The following NR4A3 variants were observed in gnomAD, a reference collection of about 807,000 sequenced individuals.
NR4A3 encodes the protein nuclear receptor subfamily 4 group A member 3.
Under a neutral mutation model 55.6 loss-of-function variants are expected in NR4A3, and 13 were observed. That is an observed-to-expected ratio of 0.23 (90% CI 0.15 to 0.37). NR4A3 has a LOEUF of 0.37. Ranked by LOEUF, NR4A3 falls within the 10% of genes least tolerant of loss-of-function variation. The pLI, the probability that NR4A3 is intolerant of heterozygous loss-of-function variation, is 1.00. For missense variants in NR4A3, 646 were observed against 822.8 expected (o/e 0.79, Z 2.63); for synonymous variants, 342 against 357.9 (o/e 0.96, Z 0.50).
chr9:99,824,644 C>G (rs1827258947), intron 1 of NR4A3, among the ~76,000 whole-genome samples: 1 of 152,226 alleles, frequency 6.6e-6, no homozygotes, highest in African/African-American at 2.4e-5. Context: ...CCTCGTGGCC[C>G]CGCGCACCTC....
chr9:99,848,768 G>A (rs966617748), intron 7 of NR4A3, among the ~76,000 whole-genome samples: 1 of 152,228 alleles, frequency 6.6e-6, no homozygotes, highest in African/African-American at 2.4e-5. Flanking sequence ...GATGGAGAAA[G>A]GCGCGTGTTG....
chr9:99,844,044 G>A (rs752989810), intron 5 of NR4A3, among the ~76,000 whole-genome samples: 3 of 148,976 alleles, frequency 2.0e-5, no homozygotes, highest in Admixed American at 1.3e-4. Context: ...GGAATTACAG[G>A]CATGAGCCAC....
intron 6 of NR4A3, among the ~76,000 whole-genome samples, chr9:99,846,848 A>G (rs1157974462): frequency 6.6e-6 from 1 of 152,122 alleles, no homozygotes; most frequent in African/African-American, 2.4e-5. Flanking sequence ...GGGTTTCACT[A>G]TGTTGCCCAA....
At chr9:99,856,209 G>A (rs571383207) in intron 7 of NR4A3, among the ~76,000 whole-genome samples, 68 of 151,500 alleles carry the variant, frequency 4.5e-4, no homozygotes, top group Non-Finnish European at 8.4e-4. Context: ...ATGTAAAATC[G>A]GTGGGAACCC....
At chr9:99,842,945 G>A (rs899328553) in intron 5 of NR4A3, among the ~76,000 whole-genome samples, 1 of 152,342 alleles carries the variant, frequency 6.6e-6, no homozygotes, top group South Asian at 2.1e-4. Context: ...GAAAAGGAAT[G>A]CAAAATGATG....
chr9:99,833,955 C>G, intron 5 of NR4A3: 5 of 1,163,246 alleles, frequency 4.3e-6, no homozygotes, highest in Non-Finnish European at 5.3e-6. Flanking sequence ...GTCAGGAGAA[C>G]TGGGATGGAA....
At chr9:99,844,176 A>G (rs1827712727) in intron 5 of NR4A3, among the ~76,000 whole-genome samples, 1 of 152,342 alleles carries the variant, frequency 6.6e-6, no homozygotes, top group East Asian at 1.9e-4. Context: ...CAGCTGTGCT[A>G]TAGTGAAATG....
chr9:99,834,053 C>A, intron 5 of NR4A3: 1 of 1,056,874 alleles, frequency 9.5e-7, no homozygotes, highest in Non-Finnish European at 1.1e-6. Flanking sequence ...CAATATTTAA[C>A]CTCAGAGGGG....
intron 2 of NR4A3, chr9:99,826,928 A>G (rs2118505131): frequency 1.2e-6 from 1 of 814,578 alleles, no homozygotes. Context: ...CCAACCACCA[A>G]AAACCGCCGT....
rs1012130193 is a variant in NR4A3, at chr9:99,864,397, A to C, written c.*530A>C. 4.4e-6 allele frequency: 1 copy of C among 228,198 alleles called. No homozygotes were observed. Among genetic ancestry groups the C allele is most frequent in the African/African-American group, 2.2e-5 (1 of 45,194 alleles). 14.1% of individuals were successfully genotyped at this position (228,198 alleles called of 1,614,324 possible). ...AATTTCCTTCTTCCTTTATTTTAAC[A>C]AATGGTGAAAGATGGAGGATTACCT... On this transcript the variant is annotated 3_prime_UTR_variant, in exon 8 of 8. Coordinates refer to ENST00000395097, the MANE Select transcript of NR4A3 (RefSeq NM_006981.4).
At position 99,863,738 on chromosome 9, in the gene NR4A3, G is replaced by C; in HGVS notation, c.1752G>C (p.Leu584=). ...QALEPTESKV[L]GALVELRKIC... is the part of the protein sequence containing the mutation. ...TGGAGCCCACCGAGTCCAAGGTCCT[G>C]GGTGCCCTGGTAGAACTGAGGAAGA... Residue 584 remains leucine (L), a synonymous_variant, in exon 8 of 8, where the codon CTG becomes CTC. Transcript: ENST00000395097. The C allele has an allele frequency of 6.2e-7, 1 of 1,613,932 alleles. No homozygotes were observed.
At position 99,865,319 on chromosome 9, in the gene NR4A3, A is replaced by ATAT. The variant is rs1564042467; in HGVS notation, c.*1452_*1453insTAT. 2 of 160,368 alleles carry ATAT rather than the reference A, an allele frequency of 1.2e-5. No individual in the cohort carries two copies. Among genetic ancestry groups the ATAT allele is most frequent in the African/African-American group, 5.0e-5 (2 of 40,070 alleles). The allele number at this position is 160,368 out of a possible 1,614,324, so 9.9% of individuals were successfully genotyped here. A position where few individuals can be genotyped will look rare whatever the true frequency, so the allele number is the denominator to read the frequency against. On this transcript the variant is annotated 3_prime_UTR_variant, in exon 8 of 8. Transcript: ENST00000395097. The surrounding 1 kb of genome is among the most constrained non-coding windows in gnomAD (Gnocchi z 4.3). ...ATAAGCAAATATATATATATATATA[A>ATAT]ATATAGCAGGTTACATATATATATT... is the stretch of plus-strand genomic sequence containing the variant.
At position 99,865,077 on chromosome 9, in the gene NR4A3, T is replaced by A; in HGVS notation, c.*1210T>A. The A allele has an allele frequency of 5.0e-6, 1 of 201,616 alleles. No individual in the cohort carries two copies. Among genetic ancestry groups the A allele is most frequent in the East Asian group, 7.6e-5 (1 of 13,190 alleles). 12.5% of individuals were successfully genotyped at this position (201,616 alleles called of 1,614,324 possible). On this transcript the variant is annotated 3_prime_UTR_variant, in exon 8 of 8. Transcript: ENST00000395097. The surrounding 1 kb of genome is among the most constrained non-coding windows in gnomAD (Gnocchi z 4.3). ...TAGTGGGCTGCGTTTCAACATTCCG[T>A]GTTCGTACTCCCTTTTGTATGTTTC...
rs1302269805 is a variant in NR4A3 at position 99,865,259 on chromosome 9, T to A, written c.*1392T>A. On this transcript the variant is annotated 3_prime_UTR_variant, in exon 8 of 8. Transcript: ENST00000395097. The surrounding 1 kb of genome is among the most constrained non-coding windows in gnomAD (Gnocchi z 4.3). The stretch of plus-strand genomic sequence containing the variant: ...AGTTACAGAGTAATTAAATGGGGTG[T>A]TCACAGTGACTTGGATACACCAATT... 2.2e-5 allele frequency: 4 copies of A among 178,638 alleles called. No homozygotes were observed. Among genetic ancestry groups the A allele is most frequent in the Non-Finnish European group, 3.6e-5 (3 of 83,244 alleles). 11.1% of individuals were successfully genotyped at this position (178,638 alleles called of 1,614,324 possible).
intron 7 of NR4A3, among the ~76,000 whole-genome samples, chr9:99,851,423 C>T (rs1182385449): frequency 6.6e-6 from 1 of 152,122 alleles, no homozygotes; most frequent in African/African-American, 2.4e-5. Context: ...ACTGTCTTTT[C>T]TTAAACCACA....
Position 99,832,767 on chromosome 9 carries a change from T to C in NR4A3, c.1030T>C (p.Cys344Arg). The C allele has an allele frequency of 6.2e-7, 1 of 1,608,004 alleles. No homozygotes were observed. The change falls in exon 4 of 8, where the codon TGT becomes CGT. Residue 344 changes from cysteine (C) to arginine (R), a missense_variant. Cys to Arg is a radical substitution (Grantham distance 180). Transcript: ENST00000395097. ...CPVDKRRRNRCQYCRFQKCLS... is the reference protein window; with the variant it reads ...CPVDKRRRNRRQYCRFQKCLS... ...AGTAGACAAGAGACGTCGAAACCGATGTCAGTACTGTCGATTTCAGAAGTG... is the reference window on the plus strand; with the variant it reads ...AGTAGACAAGAGACGTCGAAACCGACGTCAGTACTGTCGATTTCAGAAGTG...
intron 7 of NR4A3, among the ~76,000 whole-genome samples, chr9:99,862,115 T>A (rs7024294): frequency 2.6e-5 from 4 of 151,792 alleles, no homozygotes; most frequent in African/African-American, 9.7e-5. Flanking sequence ...AAATTAATTT[T>A]GTAAAAATTA....
rs1828091666 is a variant in NR4A3, at chr9:99,866,027, T to C, written c.*2160T>C. The C allele has an allele frequency of 4.7e-6, 1 of 210,714 alleles. No individual in the cohort carries two copies. Among genetic ancestry groups the C allele is most frequent in the South Asian group, 1.9e-4 (1 of 5,314 alleles). 13.1% of individuals were successfully genotyped at this position (210,714 alleles called of 1,614,324 possible). A position where few individuals can be genotyped will look rare whatever the true frequency, so the allele number is the denominator to read the frequency against. On this transcript the variant is annotated 3_prime_UTR_variant, in exon 8 of 8. Coordinates refer to ENST00000395097, the MANE Select transcript of NR4A3 (RefSeq NM_006981.4). The stretch of plus-strand genomic sequence containing the variant: ...AGACCTAATTTACCTTTCCATACTC[T>C]TTTTTTTTCTCAACTTCATCTATAT...
chr9:99,837,606 A>G (rs1159527098), intron 5 of NR4A3, among the ~76,000 whole-genome samples: 2 of 152,136 alleles, frequency 1.3e-5, no homozygotes, highest in African/African-American at 4.8e-5. Context: ...GCAACCATTT[A>G]CAAGTGGATA....
Sources: allele counts gnomAD v4.1 joint callset (sites outside exome capture counted in the v4.1 genomes callset), GRCh38; gene constraint gnomAD v4.1.1; non-coding constraint Gnocchi (gnomAD v3.1); transcripts MANE v1.5; gene names NCBI Gene and HGNC (gene_info 2026-07-23, HGNC 2026-07-21).